The following HLA-DOA variants were observed in gnomAD, a reference collection of about 807,000 sequenced individuals.
HLA-DOA encodes the protein major histocompatibility complex, class II, DO alpha, also known as HLA class II histocompatibility antigen, DO alpha chain.
Under a neutral mutation model 22.9 loss-of-function variants are expected in HLA-DOA, and 27 were observed. The observed-to-expected ratio is 1.18, with a 90% CI of 0.87 to 1.62. HLA-DOA has a LOEUF of 1.62. Among genes scored for constraint, HLA-DOA ranks in the 40% most tolerant of loss-of-function variants. The probability of loss-of-function intolerance (pLI) is 0.00; values close to 1 mark genes in which losing one functional copy is unlikely to be tolerated. For synonymous variants in HLA-DOA, 137 were observed against 138.6 expected (o/e 0.99, Z 0.08); for missense variants, 324 against 332.4 (o/e 0.97, Z 0.20).
Position 33,008,127 on chromosome 6 carries a change from C to G in HLA-DOA, c.217G>C (p.Glu73Gln). The change falls in exon 2 of 5, where the codon GAG becomes CAG. Residue 73 changes from glutamate to glutamine, a missense_variant. Coordinates refer to ENST00000229829, the MANE Select transcript of HLA-DOA (RefSeq NM_002119.4). ...KKSEAVWRLP[E>Q]FGDFARFDPQ... Reference sequence around the variant, plus strand: ...TCAAAGCGGGCAAAGTCACCAAACTCAGGCAGACGCCACACGGCCTCGCTT... The same window carrying G: ...TCAAAGCGGGCAAAGTCACCAAACTGAGGCAGACGCCACACGGCCTCGCTT... The G allele has an allele frequency of 6.2e-7, 1 of 1,613,108 alleles. No individual in the cohort carries two copies. The highest frequency in any genetic ancestry group is 1.7e-5 in the Admixed American group (1 of 60,030).
rs1388923310 is a variant in HLA-DOA, at chr6:33,006,831, A to G, written c.*7T>C. 9.3e-6 allele frequency: 15 copies of G among 1,612,240 alleles called. No homozygotes were observed. The highest frequency in any genetic ancestry group is 1.2e-5 in the Non-Finnish European group (14 of 1,179,390). ...TCTCCCACAAGTCATTTCTCTCAGA[A>G]GGATCATTACCTAAAATAGCAGAAA... On this transcript the variant is annotated 3_prime_UTR_variant, in exon 5 of 5. Coordinates refer to ENST00000229829, the MANE Select transcript of HLA-DOA (RefSeq NM_002119.4).
At position 33,009,065 on chromosome 6, in the gene HLA-DOA, G is replaced by A. The variant is rs1780951126; in HGVS notation, c.82+390C>T. ...CATGTCTCCCGAAGAACAAAGACAGGTAAATAGTTAACTACCGGCATGGGC... is the reference window on the plus strand; with the variant it reads ...CATGTCTCCCGAAGAACAAAGACAGATAAATAGTTAACTACCGGCATGGGC... On this transcript the variant is annotated intron_variant, in intron 1 of 4. Transcript: ENST00000229829. This position sits in a 1 kb window ranked among gnomAD's most constrained non-coding sequence, Gnocchi z 4.8. Among the ~76,000 whole-genome samples, 1 of 152,172 alleles carries A rather than the reference G, an allele frequency of 6.6e-6. No homozygotes were observed. The highest frequency in any genetic ancestry group is 6.5e-5 in the Admixed American group (1 of 15,280).
In HLA-DOA at chr6:33,009,184, G is replaced by A. The variant is rs1256084503; in HGVS notation, c.82+271C>T. Among the ~76,000 whole-genome samples the A allele has an allele frequency of 3.9e-5, 6 of 152,136 alleles. No homozygotes were observed. Among genetic ancestry groups the A allele is most frequent in the Non-Finnish European group, 8.8e-5 (6 of 68,028 alleles). On this transcript the variant is annotated intron_variant, in intron 1 of 4. Transcript: ENST00000229829. The surrounding 1 kb of genome is among the most constrained non-coding windows in gnomAD (Gnocchi z 4.8). ...TGCTTGCTGGCATCTGTTGGGTGGA[G>A]GTTTGGGTCTCAGGAAGGAGGAAGG...
At chr6:33,008,660 C>G (rs988712441) in intron 1 of HLA-DOA, among the ~76,000 whole-genome samples, 1 of 152,116 alleles carries the variant, frequency 6.6e-6, no homozygotes, top group East Asian at 1.9e-4. Context: ...GAGTATGGAG[C>G]TTTGCACAGA....
At position 33,006,485 on chromosome 6, in the gene HLA-DOA, C is replaced by T; in HGVS notation, c.*353G>A. On this transcript the variant is annotated 3_prime_UTR_variant, in exon 5 of 5. Transcript: ENST00000229829. ...GGAGCAAGACACACCTGTGTGGGCC[C>T]CAGGATGGCTGCCAATCCCCAGCAC... The T allele has an allele frequency of 2.0e-6, 1 of 499,290 alleles. No individual in the cohort carries two copies. The highest frequency in any genetic ancestry group is 3.6e-6 in the Non-Finnish European group (1 of 275,996). The allele number at this position is 499,290 out of a possible 1,614,324, so 30.9% of individuals were successfully genotyped here.
At position 33,006,755 on chromosome 6, in the gene HLA-DOA, G is replaced by A. The variant is rs1263323798; in HGVS notation, c.*83C>T. The A allele has an allele frequency of 3.7e-6, 6 of 1,611,688 alleles. No individual in the cohort carries two copies. Among genetic ancestry groups the A allele is most frequent in the African/African-American group, 1.3e-5 (1 of 74,884 alleles). On this transcript the variant is annotated 3_prime_UTR_variant, in exon 5 of 5. Coordinates refer to ENST00000229829, the MANE Select transcript of HLA-DOA (RefSeq NM_002119.4). ...GTCAGCACAGCGGGATGCACTTAAA[G>A]GGCACTGAGCACGCAGGGGCTGTCA...
Position 33,008,142 on chromosome 6 carries a change from C to T in HLA-DOA, c.202G>A (p.Val68Met), listed in dbSNP as rs913428613. 4 of 1,612,974 alleles carry T rather than the reference C, an allele frequency of 2.5e-6. No homozygotes were observed. The highest frequency in any genetic ancestry group is 2.7e-5 in the African/African-American group (2 of 74,940). ...TCACCAAACTCAGGCAGACGCCACACGGCCTCGCTTTTCTTCAGGTCCACA... is the reference window on the plus strand; with the variant it reads ...TCACCAAACTCAGGCAGACGCCACATGGCCTCGCTTTTCTTCAGGTCCACA... ...FSVDLKKSEA[V>M]WRLPEFGDFA... The change falls in exon 2 of 5, where the codon GTG becomes ATG. Residue 68 changes from valine (V) to methionine (M), a missense_variant. Coordinates refer to ENST00000229829, the MANE Select transcript of HLA-DOA (RefSeq NM_002119.4).
In HLA-DOA at chr6:33,004,307, G is replaced by A. The variant is rs1780727055; in HGVS notation, c.*2531C>T. ...AGATCAGCAGAGATCAGAGATTGTT[G>A]GGTACACACGTATCTTGTGATGTCT... On this transcript the variant is annotated 3_prime_UTR_variant, in exon 5 of 5. Coordinates refer to ENST00000229829, the MANE Select transcript of HLA-DOA (RefSeq NM_002119.4). 1 of 152,192 alleles carries A rather than the reference G, an allele frequency of 6.6e-6. No homozygotes were observed. Among genetic ancestry groups the A allele is most frequent in the African/African-American group, 2.4e-5 (1 of 41,444 alleles). The allele number at this position is 152,192 out of a possible 1,614,324, so 9.4% of individuals were successfully genotyped here.
chr6:33,007,581 C>A lies in HLA-DOA; in HGVS notation c.343G>T (p.Val115Leu), dbSNP rs1183320199. 1 of 1,611,020 alleles carries A rather than the reference C, an allele frequency of 6.2e-7. No homozygotes were observed. The highest frequency in any genetic ancestry group is 1.7e-5 in the Admixed American group (1 of 59,776). ...ACCCGAGACTTGGGGAGCACGGTCA[C>A]CCGTGGAGGCACTAGGAGGAACAGG... ...RSRAINVPPR[V>L]TVLPKSRVEL... The change falls in exon 3 of 5, where the codon GTG becomes TTG. Residue 115 changes from valine (V) to leucine (L), a missense_variant. Coordinates refer to ENST00000229829, the MANE Select transcript of HLA-DOA (RefSeq NM_002119.4).
chr6:33,004,639 G>C lies in HLA-DOA; in HGVS notation c.*2199C>G, dbSNP rs1780739772. On this transcript the variant is annotated 3_prime_UTR_variant, in exon 5 of 5. Coordinates refer to ENST00000229829, the MANE Select transcript of HLA-DOA (RefSeq NM_002119.4). ...GAGAGAACACCGCTAACATGCAGGG[G>C]GGTCTAGAGAACACAGACCATGTGG... The C allele has an allele frequency of 6.6e-6, 1 of 152,194 alleles. No homozygotes were observed. The highest frequency in any genetic ancestry group is 2.4e-5 in the African/African-American group (1 of 41,428). The allele number at this position is 152,194 out of a possible 1,614,324, so 9.4% of individuals were successfully genotyped here. A position where few individuals can be genotyped will look rare whatever the true frequency, so the allele number is the denominator to read the frequency against.
Position 33,007,372 on chromosome 6 carries a change from C to T in HLA-DOA, c.552G>A (p.Glu184=). ...FHYLPFVPSA[E]DVYDCQVEHW... ...GCTCCACCTGGCAGTCATAGACGTCCTCGGCTGAGGGCACGAAGGGCAGGT... is the reference window on the plus strand; with the variant it reads ...GCTCCACCTGGCAGTCATAGACGTCTTCGGCTGAGGGCACGAAGGGCAGGT... Residue 184 remains glutamate (E), a synonymous_variant, in exon 3 of 5, where the codon GAG becomes GAA. Coordinates refer to ENST00000229829, the MANE Select transcript of HLA-DOA (RefSeq NM_002119.4). 6.2e-7 allele frequency: 1 copy of T among 1,607,338 alleles called. No homozygotes were observed. Among genetic ancestry groups the T allele is most frequent in the South Asian group, 1.1e-5 (1 of 90,474 alleles).
chr6:33,006,882 C>T (rs1227589515), intron 4 of HLA-DOA, 41 bp from the exon 5 acceptor site: 2 of 1,554,060 alleles, frequency 1.3e-6, no homozygotes, highest in Non-Finnish European at 1.8e-6. Context: ...TGCTCAATTT[C>T]AATATGCTGG....
Position 33,007,439 on chromosome 6 carries a change from C to G in HLA-DOA, c.485G>C (p.Ser162Thr). ...QTVTEGVAQT[S>T]FYSQPDHLFR... ...CAAATGGTCAGGCTGGGAATAGAAG[C>G]TGGTCTGGGCCACTCCCTCAGTGAC... is the stretch of plus-strand genomic sequence containing the variant. The change falls in exon 3 of 5, where the codon AGC (serine) becomes ACC (threonine). Residue 162 changes from serine to threonine, a missense_variant. Transcript: ENST00000229829. 1 of 1,609,622 alleles carries G rather than the reference C, an allele frequency of 6.2e-7. No homozygotes were observed. Among genetic ancestry groups the G allele is most frequent in the Non-Finnish European group, 8.5e-7 (1 of 1,178,216 alleles).
chr6:33,006,500 A>G lies in HLA-DOA; in HGVS notation c.*338T>C, dbSNP rs1780812540. ...TGTGTGGGCCCCAGGATGGCTGCCA[A>G]TCCCCAGCACCACATGCCTCACCCC... On this transcript the variant is annotated 3_prime_UTR_variant, in exon 5 of 5. Coordinates refer to ENST00000229829, the MANE Select transcript of HLA-DOA (RefSeq NM_002119.4). The G allele has an allele frequency of 3.9e-6, 2 of 516,040 alleles. No homozygotes were observed. 32.0% of individuals were successfully genotyped at this position (516,040 alleles called of 1,614,324 possible).
In HLA-DOA at chr6:33,006,610, G is replaced by A; in HGVS notation, c.*228C>T. On this transcript the variant is annotated 3_prime_UTR_variant, in exon 5 of 5. Transcript: ENST00000229829. ...GCTGCCAGCCAGAGCTTTGGGTAGAGCAAGAATGTGTGTGTGTGTTGAATG... is the reference window on the plus strand; with the variant it reads ...GCTGCCAGCCAGAGCTTTGGGTAGAACAAGAATGTGTGTGTGTGTTGAATG... 1 of 656,032 alleles carries A rather than the reference G, an allele frequency of 1.5e-6. No homozygotes were observed. Among genetic ancestry groups the A allele is most frequent in the Admixed American group, 2.3e-5 (1 of 43,658 alleles). The allele number at this position is 656,032 out of a possible 1,614,324, so 40.6% of individuals were successfully genotyped here. A position where few individuals can be genotyped will look rare whatever the true frequency, so the allele number is the denominator to read the frequency against.
rs1780794857 is a variant in HLA-DOA at position 33,005,982 on chromosome 6, G to A, written c.*856C>T. On this transcript the variant is annotated 3_prime_UTR_variant, in exon 5 of 5. Transcript: ENST00000229829. ...ATTTTGGTCCTGACATAAACTATGT[G>A]GTATGGTGATTTATCTCTTTGTATG... The A allele has an allele frequency of 6.6e-6, 1 of 152,176 alleles. No individual in the cohort carries two copies. Among genetic ancestry groups the A allele is most frequent in the Admixed American group, 6.5e-5 (1 of 15,280 alleles). The allele number at this position is 152,176 out of a possible 1,614,324, so 9.4% of individuals were successfully genotyped here. A position where few individuals can be genotyped will look rare whatever the true frequency, so the allele number is the denominator to read the frequency against.
Position 33,007,467 on chromosome 6 carries a change from T to C in HLA-DOA, c.457A>G (p.Thr153Ala). ...INITWLRNGQTVTEGVAQTSF... is the reference protein window; with the variant it reads ...INITWLRNGQAVTEGVAQTSF... ...GTCTGGGCCACTCCCTCAGTGACAG[T>C]TTGGCCGTTGCGCAGCCAGGTGATA... Residue 153 changes from threonine (T) to alanine (A), a missense_variant, in exon 3 of 5, where the codon ACT (threonine) becomes GCT (alanine). Physicochemically the swap from Thr to Ala is moderately conservative, Grantham distance 58. Transcript: ENST00000229829. 1.2e-6 allele frequency: 2 copies of C among 1,612,228 alleles called. No homozygotes were observed. Among genetic ancestry groups the C allele is most frequent in the Non-Finnish European group, 1.7e-6 (2 of 1,179,612 alleles).
intron 1 of HLA-DOA, among the ~76,000 whole-genome samples, chr6:33,008,760 G>A (rs147755295): frequency 1.9e-4 from 29 of 152,260 alleles, no homozygotes; most frequent in African/African-American, 6.5e-4. Flanking sequence ...AGGGGATAGG[G>A]AGAGGCAACT....
In HLA-DOA at chr6:33,004,520, G is replaced by C. The variant is rs1167440822; in HGVS notation, c.*2318C>G. 6.6e-6 allele frequency: 1 copy of C among 152,234 alleles called. No individual in the cohort carries two copies. The allele number at this position is 152,234 out of a possible 1,614,324, so 9.4% of individuals were successfully genotyped here. On this transcript the variant is annotated 3_prime_UTR_variant, in exon 5 of 5. Transcript: ENST00000229829. The stretch of plus-strand genomic sequence containing the variant: ...CAGTAATTTAAAGCTGTGACTAGGA[G>C]ACACAGCCTCTGTGGGTTGTGAGGG...
Sources: gnomAD v4.1 joint callset for allele counts (sites outside exome capture counted in the v4.1 genomes callset) on GRCh38, gnomAD v4.1.1 for gene constraint, Gnocchi (gnomAD v3.1) non-coding constraint, MANE v1.5 for transcripts, NCBI Gene and HGNC (gene_info 2026-07-23, HGNC 2026-07-21) for gene names.